Variants in GLIS3 observed in about 807,000 individuals in gnomAD.
GLIS3 encodes GLIS family zinc finger 3.
GLIS3 carries 53 observed loss-of-function variants against 78.6 expected under a neutral mutation model. The ratio of observed to expected loss-of-function variants is 0.67; its 90% CI spans 0.54 to 0.85. GLIS3 has a LOEUF of 0.85. Among genes scored for constraint, GLIS3 ranks in the 40% least tolerant of loss-of-function variants. The probability of loss-of-function intolerance (pLI) is 0.00; values close to 1 mark genes in which losing one functional copy is unlikely to be tolerated. For missense variants in GLIS3, 1,703 were observed against 1,231.1 expected (o/e 1.38, Z -5.74); for synonymous variants, 684 against 509.9 (o/e 1.34, Z -4.60).
At chr9:4,244,988 G>GA (rs1401710345) in intron 2 of GLIS3, among the ~76,000 whole-genome samples, 3 of 152,182 alleles carry the variant, frequency 2.0e-5, no homozygotes, top group East Asian at 1.9e-4. Context: ...AGTTATCCAA[G>GA]AAAAAATGAT....
rs547998213 is a variant in GLIS3 at position 4,297,555 on chromosome 9, G to A, written c.-99+1866C>T. Among the ~76,000 whole-genome samples the A allele has an allele frequency of 3.8e-4, 58 of 152,354 alleles. No homozygotes were observed. The East Asian group carries it at 0.011, about 28-fold the overall frequency. On this transcript the variant is annotated intron_variant, in intron 1 of 10. Transcript: ENST00000381971. The stretch of plus-strand genomic sequence containing the variant: ...CTCGGGAGATGCTGAAGTCTTGGAG[G>A]AAGTTGGTTCTGCCGGCTCGGGGAG...
intron 4 of GLIS3, among the ~76,000 whole-genome samples, chr9:4,057,049 C>T (rs914479862): frequency 2.6e-5 from 4 of 151,936 alleles, no homozygotes; most frequent in Non-Finnish European, 5.9e-5. Flanking sequence ...GCATCTCCCA[C>T]CACAACTAGG....
At chr9:4,162,645 G>T (rs930086291) in intron 2 of GLIS3, among the ~76,000 whole-genome samples, 2 of 151,846 alleles carry the variant, frequency 1.3e-5, no homozygotes, top group Non-Finnish European at 2.9e-5. Context: ...AGATCACGAG[G>T]TCAGATCGAG....
chr9:4,358,276 T>G, the GLIS3 span, among the ~76,000 whole-genome samples: 3 of 152,158 alleles, frequency 2.0e-5, no homozygotes, highest in East Asian at 5.8e-4. Flanking sequence ...TATACTCGTT[T>G]TAATGCTCGA....
intron 2 of GLIS3, among the ~76,000 whole-genome samples, chr9:4,156,067 C>T (rs1161746592): frequency 6.6e-6 from 1 of 152,094 alleles, no homozygotes; most frequent in African/African-American, 2.4e-5. Flanking sequence ...TGGAGAAGTA[C>T]ATTCAAACCC....
At position 4,187,020 on chromosome 9, in the gene GLIS3, C is replaced by T. The variant is rs1490680442; in HGVS notation, c.389-61079G>A. ...TTTAATTAGATCCCATTTGTCAATTCTGGCTTTTGTTGCCATTGCTTTCAG... is the reference window on the plus strand; with the variant it reads ...TTTAATTAGATCCCATTTGTCAATTTTGGCTTTTGTTGCCATTGCTTTCAG... On this transcript the variant is annotated intron_variant, in intron 2 of 10. Transcript: ENST00000381971. 6.6e-5 allele frequency among the ~76,000 whole-genome samples: 10 copies of T among 152,246 alleles called. No individual in the cohort carries two copies. In the South Asian group the frequency reaches 8.3e-4, roughly 13 times the overall value.
At chr9:3,951,131 A>T (rs748906266) in intron 4 of GLIS3, among the ~76,000 whole-genome samples, 1 of 152,248 alleles carries the variant, frequency 6.6e-6, no homozygotes, top group Admixed American at 6.5e-5. Context: ...TGACAAAGTT[A>T]TCCACCAGGG....
chr9:4,280,836 C>T (rs1047958212), intron 2 of GLIS3, among the ~76,000 whole-genome samples: 11 of 152,002 alleles, frequency 7.2e-5, no homozygotes, highest in Non-Finnish European at 1.3e-4. Context: ...GAAAGCTCCA[C>T]GATCTTGGAC....
the GLIS3 span, among the ~76,000 whole-genome samples, chr9:4,463,920 C>G: frequency 6.6e-6 from 1 of 152,000 alleles, no homozygotes; most frequent in Non-Finnish European, 1.5e-5. Context: ...TGAGTGAGAA[C>G]TGAGTGAGAA....
chr9:3,858,039 G>GT (rs1294723322), intron 8 of GLIS3, among the ~76,000 whole-genome samples: 1 of 152,144 alleles, frequency 6.6e-6, no homozygotes, highest in Non-Finnish European at 1.5e-5. Context: ...GGAAGGATCT[G>GT]AATTGCAAGG....
At chr9:3,904,094 A>G (rs183567185) in intron 6 of GLIS3, among the ~76,000 whole-genome samples, 1 of 152,208 alleles carries the variant, frequency 6.6e-6, no homozygotes, top group Non-Finnish European at 1.5e-5. Context: ...TTGAGAGCCC[A>G]TATGAGCTGT....
intron 1 of GLIS3, among the ~76,000 whole-genome samples, chr9:4,293,606 C>G (rs940389242): frequency 6.6e-6 from 1 of 152,200 alleles, no homozygotes; most frequent in African/African-American, 2.4e-5. Flanking sequence ...CATTTCTTCA[C>G]ACACAAGAAT....
chr9:4,074,929 T>A (rs7045656), intron 4 of GLIS3, among the ~76,000 whole-genome samples: 80,545 of 151,958 alleles, frequency 0.53, 23,346 homozygotes, highest in African/African-American at 0.76. Flanking sequence ...ACAGAAACTG[T>A]AGTTCTCCTT....
At chr9:3,943,407 C>T (rs1269774769) in intron 4 of GLIS3, among the ~76,000 whole-genome samples, 1 of 152,216 alleles carries the variant, frequency 6.6e-6, no homozygotes, top group East Asian at 1.9e-4. Flanking sequence ...TGCAATTTTA[C>T]TCATGTTGCA....
At chr9:4,090,330 T>C (rs1296463303) in intron 4 of GLIS3, among the ~76,000 whole-genome samples, 48 of 152,146 alleles carry the variant, frequency 3.2e-4, no homozygotes, top group Admixed American at 3.1e-3. Context: ...GAAAAGCCCT[T>C]GAATTCATTC....
At position 4,118,229 on chromosome 9, in the gene GLIS3, G is replaced by A. The variant is rs773096868; in HGVS notation, c.1249C>T (p.Leu417=). 47 of 1,588,764 alleles carry A rather than the reference G, an allele frequency of 3.0e-5. No homozygotes were observed. The highest frequency in any genetic ancestry group is 3.9e-5 in the Non-Finnish European group (46 of 1,167,928). The change falls in exon 4 of 11, where the codon CTG becomes TTG. Residue 417 remains leucine, a synonymous_variant. Transcript: ENST00000381971. The surrounding 1 kb of genome is among the most constrained non-coding windows in gnomAD (Gnocchi z 4.7). The part of the protein sequence containing the change: ...LVNHMVVQHG[L]PGPDSQSAGL... ...GCCGACTGGCTGTCGGGGCCCGGCA[G>A]GCCATGCTGCACCACCATGTGGTTG...
intron 3 of GLIS3, among the ~76,000 whole-genome samples, chr9:4,124,585 C>G (rs1832428951): frequency 6.6e-6 from 1 of 152,184 alleles, no homozygotes; most frequent in Non-Finnish European, 1.5e-5. Context: ...ACAGCAGCTT[C>G]CCATCACAAA....
At position 4,155,192 on chromosome 9, in the gene GLIS3, G is replaced by T. The variant is rs1007729594; in HGVS notation, c.389-29251C>A. 3.9e-5 allele frequency among the ~76,000 whole-genome samples: 6 copies of T among 152,152 alleles called. No homozygotes were observed. In the East Asian group the frequency reaches 7.7e-4, roughly 20 times the overall value. ...AATTTTTCTACACTGAAAAAATAATGCTCTGAAGAAAAAAATACTAGTGTT... is the reference window on the plus strand; with the variant it reads ...AATTTTTCTACACTGAAAAAATAATTCTCTGAAGAAAAAAATACTAGTGTT... On this transcript the variant is annotated intron_variant, in intron 2 of 10. Coordinates refer to ENST00000381971, the MANE Select transcript of GLIS3 (RefSeq NM_001042413.2).
intron 1 of GLIS3, among the ~76,000 whole-genome samples, chr9:4,292,293 A>G (rs902276431): frequency 1.3e-5 from 2 of 152,186 alleles, no homozygotes; most frequent in African/African-American, 4.8e-5. Flanking sequence ...TGCATCAAAT[A>G]TATTAATGGT....
Sources: gnomAD v4.1 joint callset for allele counts (sites outside exome capture counted in the v4.1 genomes callset) on GRCh38, gnomAD v4.1.1 for gene constraint, Gnocchi (gnomAD v3.1) non-coding constraint, MANE v1.5 for transcripts, NCBI Gene and HGNC (gene_info 2026-07-23, HGNC 2026-07-21) for gene names.